The following ANKAR variants were observed in gnomAD, a reference collection of about 807,000 sequenced individuals.
ANKAR encodes ankyrin and armadillo repeat containing, also known as ankyrin and armadillo repeat-containing protein.
ANKAR carries 136 observed loss-of-function variants against 146.2 expected under a neutral mutation model. The observed-to-expected ratio is 0.93, with a 90% CI of 0.81 to 1.07. ANKAR has a LOEUF of 1.07. Among genes scored for constraint, ANKAR ranks in the 50% least tolerant of loss-of-function variants. The probability of loss-of-function intolerance (pLI) is 0.00; values close to 1 mark genes in which losing one functional copy is unlikely to be tolerated. For synonymous variants in ANKAR, 500 were observed against 575.8 expected (o/e 0.87, Z 1.88); for missense variants, 1,567 against 1,679.9 (o/e 0.93, Z 1.18).
Position 189,676,939 on chromosome 2 carries a change from T to C in ANKAR, c.449T>C (p.Ile150Thr). Residue 150 changes from isoleucine (I) to threonine (T), a missense_variant, in exon 2 of 23, where the codon ATT becomes ACT. Transcript: ENST00000684021. ...DTRIGQILIN[I>T]DYMLKALWHG... is the part of the protein sequence containing the mutation. ...AGAATTGGGCAAATTCTGATCAATA[T>C]TGACTACATGCTGAAAGCACTATGG... 6.2e-7 allele frequency: 1 copy of C among 1,614,168 alleles called. No homozygotes were observed. The highest frequency in any genetic ancestry group is 8.5e-7 in the Non-Finnish European group (1 of 1,180,034).
chr2:189,754,037 G>A (rs2105998251), intron 18 of ANKAR: 1 of 1,613,356 alleles, frequency 6.2e-7, no homozygotes, highest in South Asian at 1.1e-5. Context: ...GTCTGCTGCT[G>A]AAGACAGGAT....
chr2:189,743,630 C>T (rs564802247), intron 21 of ANKAR, among the ~76,000 whole-genome samples, 156 bp downstream of exon 21: 2 of 152,294 alleles, frequency 1.3e-5, no homozygotes, highest in Admixed American at 6.5e-5. Context: ...ACTGCCACAA[C>T]CTGTTTTAAT....
chr2:189,691,638 C>G (rs2036418865), intron 3 of ANKAR, among the ~76,000 whole-genome samples: 1 of 150,246 alleles, frequency 6.7e-6, no homozygotes, highest in South Asian at 2.1e-4. Flanking sequence ...AATGTCTGTA[C>G]AATAAAACTA....
At chr2:189,749,703 T>G (rs2044811937), downstream of ANKAR, among the ~76,000 whole-genome samples, 1 of 129,512 alleles carries the variant, frequency 7.7e-6, no homozygotes, top group Non-Finnish European at 1.9e-5. Flanking sequence ...TTATATAGAT[T>G]TTAAAAAATG....
intron 10 of ANKAR, among the ~76,000 whole-genome samples, chr2:189,717,133 T>C (rs2040569546): frequency 6.6e-6 from 1 of 152,096 alleles, no homozygotes; most frequent in South Asian, 2.1e-4. Context: ...CAAAAGAAAC[T>C]ACCATCAGAT....
chr2:189,729,791 ACTTCT>A (rs1402259159), intron 15 of ANKAR, among the ~76,000 whole-genome samples: 1 of 150,486 alleles, frequency 6.6e-6, no homozygotes, highest in Non-Finnish European at 1.5e-5. Flanking sequence ...TATGTAGGTG[ACTTCT>A]CTTCATTGTT....
intron 18 of ANKAR, among the ~76,000 whole-genome samples, chr2:189,757,816 T>A (rs2046312684): frequency 6.6e-6 from 1 of 152,194 alleles, no homozygotes; most frequent in Non-Finnish European, 1.5e-5. Context: ...GCCAGGTGGA[T>A]GGTATCACTG....
At chr2:189,755,376 C>G in intron 18 of ANKAR, 1 of 1,613,548 alleles carries the variant, frequency 6.2e-7, no homozygotes, top group Non-Finnish European at 8.5e-7. Context: ...TTTAACTGTC[C>G]TACCAGCTGT....
intron 18 of ANKAR, among the ~76,000 whole-genome samples, chr2:189,756,530 G>T (rs1279063209): frequency 2.6e-5 from 4 of 152,130 alleles, no homozygotes; most frequent in African/African-American, 9.7e-5. Flanking sequence ...TATTGTTTCA[G>T]GCAATGAGGG....
At chr2:189,729,526 A>G (rs545174828) in intron 15 of ANKAR, among the ~76,000 whole-genome samples, 63 of 152,320 alleles carry the variant, frequency 4.1e-4, no homozygotes, top group Non-Finnish European at 7.5e-4. Context: ...ATAATCAGCC[A>G]GAGAAGATGT....
At chr2:189,745,577 C>G (rs2044038053) in intron 22 of ANKAR, among the ~76,000 whole-genome samples, 1 of 152,136 alleles carries the variant, frequency 6.6e-6, no homozygotes, top group South Asian at 2.1e-4. Context: ...TTATCCCTTC[C>G]TATTAGATAT....
chr2:189,720,848 G>A (rs1408895389), intron 12 of ANKAR, 61 bp downstream of exon 12: 2 of 1,306,586 alleles, frequency 1.5e-6, no homozygotes, highest in Admixed American at 3.0e-5. Context: ...AGCAAACATG[G>A]GATTGGACTT....
chr2:189,723,853 G>A (rs544124446), intron 12 of ANKAR, among the ~76,000 whole-genome samples: 4 of 152,182 alleles, frequency 2.6e-5, no homozygotes, highest in South Asian at 2.1e-4. Context: ...CATCCCTGAC[G>A]TCTTCCCTGA....
rs1482219792 is a variant in ANKAR at position 189,727,876 on chromosome 2, TCTG to T, written c.2661_2663del (p.Ala888del). 4 of 1,613,894 alleles carry T rather than the reference TCTG, an allele frequency of 2.5e-6. No individual in the cohort carries two copies. Among genetic ancestry groups the T allele is most frequent in the Non-Finnish European group, 2.5e-6 (3 of 1,179,930 alleles). Reference sequence around the variant, plus strand: ...TGAAGATGTGTTGAAGGCTGTATCTTCTGCTGCAATTGCTGAGGTTGGGCGTGA... The same window carrying T: ...TGAAGATGTGTTGAAGGCTGTATCTTCTGCAATTGCTGAGGTTGGGCGTGA... On this transcript the variant is annotated inframe_deletion, in exon 13 of 23. Coordinates refer to ENST00000684021, the MANE Select transcript of ANKAR (RefSeq NM_001378068.1).
At position 189,736,506 on chromosome 2, in the gene ANKAR, G is replaced by GTTTTTT. The variant is rs1399238358; in HGVS notation, c.3424-1176_3424-1175insTTTTTT. Among the ~76,000 whole-genome samples, 67 of 115,684 alleles carry GTTTTTT rather than the reference G, an allele frequency of 5.8e-4. 7 individuals carry two copies. In the South Asian group the frequency reaches 0.017, roughly 30 times the overall value. The allele number at this position is 115,684 out of a possible 152,430, so 75.9% of individuals were successfully genotyped here. On this transcript the variant is annotated intron_variant, in intron 17 of 22. Transcript: ENST00000684021. ...GCCTATTTAGGTGACTGGGTTTTGT[G>GTTTTTT]TGTGTGTGTGTGTGTGTGTGTGTGT...
intron 7 of ANKAR, 29 bp from the exon 8 acceptor site, chr2:189,704,994 T>C: frequency 6.2e-7 from 1 of 1,604,264 alleles, no homozygotes; most frequent in Non-Finnish European, 8.5e-7. Context: ...AGTGCTGTGA[T>C]CACTGAAGTA....
chr2:189,710,392 T>C (rs1487142438), intron 9 of ANKAR, among the ~76,000 whole-genome samples: 2 of 152,250 alleles, frequency 1.3e-5, no homozygotes, highest in African/African-American at 4.8e-5. Flanking sequence ...TTGCTATTCT[T>C]GAAAACCCAC....
In ANKAR at chr2:189,711,138, T is replaced by A; in HGVS notation, c.2209T>A (p.Cys737Ser). 6.2e-7 allele frequency: 1 copy of A among 1,612,744 alleles called. No individual in the cohort carries two copies. Among genetic ancestry groups the A allele is most frequent in the South Asian group, 1.1e-5 (1 of 90,790 alleles). The change falls in exon 10 of 23, where the codon TGT (cysteine) becomes AGT (serine). Residue 737 changes from cysteine (C) to serine (S), a missense_variant. By Grantham distance (112) the Cys-to-Ser change is moderately radical. Coordinates refer to ENST00000684021, the MANE Select transcript of ANKAR (RefSeq NM_001378068.1). ...CTTAGCAAATGATCAATACTGGAGATGTATTTTGGATGCAGGTGATGCAAA... is the reference window on the plus strand; with the variant it reads ...CTTAGCAAATGATCAATACTGGAGAAGTATTTTGGATGCAGGTGATGCAAA... ...ICLANDQYWR[C>S]ILDAGTIPAL...
downstream of ANKAR, among the ~76,000 whole-genome samples, chr2:189,749,244 TAA>T (rs397987026): frequency 0.028 from 1,755 of 63,166 alleles, 27 homozygotes; most frequent in African/African-American, 0.089. Context: ...AGACTCTGTC[TAA>T]AAAAAAAAAA....
Sources: allele counts gnomAD v4.1 joint callset (sites outside exome capture counted in the v4.1 genomes callset), GRCh38; gene constraint gnomAD v4.1.1; transcripts MANE v1.5; gene names NCBI Gene and HGNC (gene_info 2026-07-23, HGNC 2026-07-21).